The following RBMXL3 variants were observed in gnomAD, a reference collection of about 807,000 sequenced individuals.
RBMXL3 encodes RNA-binding motif protein, X-linked-like-3.
RBMXL3 carries 2 observed loss-of-function variants against 0.8 expected under a neutral mutation model. The ratio of observed to expected loss-of-function variants is 2.54; its 90% CI spans 1.04 to 8.00. The LOEUF is 8.00. Among genes scored for constraint, RBMXL3 ranks in the 30% most tolerant of loss-of-function variants. The pLI is 0.04. For synonymous variants in RBMXL3, 447 were observed against 449.8 expected, an observed-to-expected ratio of 0.99 and a Z score of 0.08; for missense variants, 1,127 against 1,068.0, an observed-to-expected ratio of 1.06 and a Z score of -0.77.
At position 115,189,961 on chromosome X, in the gene RBMXL3, G is replaced by A. The variant is rs781876240; in HGVS notation, c.520G>A (p.Val174Ile). 59 of 1,161,910 alleles carry A rather than the reference G, an allele frequency of 5.1e-5. No homozygotes were observed. The highest frequency in any genetic ancestry group is 4.8e-4 in the South Asian group (25 of 52,409). The change falls in exon 1 of 1, where the codon GTT becomes ATT. Residue 174 changes from valine (V) to isoleucine (I), a missense_variant. Transcript: ENST00000424776. ...CACGCCGTCGAGCCTGGCTCACAGC[G>A]TTGGCTGTGGAATGCGCGGGAAGGC... The part of the protein sequence containing the change: ...RATPSSLAHS[V>I]GCGMRGKAPT...
rs782770963 is a variant in RBMXL3 at position 115,190,608 on chromosome X, C to T, written c.1167C>T (p.Tyr389=). Residue 389 remains tyrosine (Y), a synonymous_variant, in exon 1 of 1, where the codon TAC becomes TAT. Transcript: ENST00000424776. ...RSDRYGEEGC[Y]EEYRGRSPDA... ...ACCGCTACGGAGAAGAAGGCTGCTA[C>T]GAGGAGTACAGAGGCCGCTCGCCCG... 581 of 1,158,868 alleles carry T rather than the reference C, an allele frequency of 5.0e-4. 1 individual carries two copies. Among genetic ancestry groups the T allele is most frequent in the South Asian group, 6.9e-4 (36 of 52,343 alleles).
rs2072770901 is a variant in RBMXL3, at chrX:115,189,894, G to A, written c.453G>A (p.Gly151=). The A allele has an allele frequency of 8.6e-7, 1 of 1,161,976 alleles. No homozygotes were observed. Among genetic ancestry groups the A allele is most frequent in the Non-Finnish European group, 1.1e-6 (1 of 870,399 alleles). The change falls in exon 1 of 1, where the codon GGG becomes GGA. Residue 151 remains glycine (G), a synonymous_variant. Transcript: ENST00000424776. ...GGGCCCCGATGCCCAGGAAGCGCGGGCCGCCACCGCGGCACTGGGCCAGCC... is the reference window on the plus strand; with the variant it reads ...GGGCCCCGATGCCCAGGAAGCGCGGACCGCCACCGCGGCACTGGGCCAGCC... ...PYRAPMPRKR[G]PPPRHWASPP... is the part of the protein sequence containing the mutation.
rs2072848717 is a variant in RBMXL3, at chrX:115,192,418, G to A, written c.2977G>A (p.Ala993Thr). The A allele has an allele frequency of 8.6e-7, 1 of 1,165,049 alleles. No individual in the cohort carries two copies. Among genetic ancestry groups the A allele is most frequent in the Non-Finnish European group, 1.1e-6 (1 of 871,298 alleles). ...YEEYQGSLPD[A>T]YSGDHDRSSN... ...GGAGTACCAGGGCAGCTTGCCTGAC[G>A]CCTACAGCGGCGACCACGACAGATC... is the stretch of plus-strand genomic sequence containing the variant. The change falls in exon 1 of 1, where the codon GCC becomes ACC. Residue 993 changes from alanine (A) to threonine (T), a missense_variant. By Grantham distance (58) the Ala-to-Thr change is moderately conservative. Coordinates refer to ENST00000424776, the MANE Select transcript of RBMXL3 (RefSeq NM_001145346.2).
At position 115,190,948 on chromosome X, in the gene RBMXL3, C is replaced by T. The variant is rs1418065321; in HGVS notation, c.1507C>T (p.Arg503Cys). ...GGHDNSSWSD[R>C]YGVGGHYEEN... is the part of the protein sequence containing the mutation. ...CCACGACAATTCCAGCTGGAGCGAC[C>T]GCTACGGAGTAGGAGGCCACTATGA... Residue 503 changes from arginine to cysteine, a missense_variant, in exon 1 of 1, where the codon CGC becomes TGC. Arg to Cys is a radical substitution (Grantham distance 180, BLOSUM62 -3). Transcript: ENST00000424776. 2.6e-5 allele frequency: 30 copies of T among 1,161,222 alleles called. No homozygotes were observed. The highest frequency in any genetic ancestry group is 7.9e-5 in the Admixed American group (3 of 37,932).
At position 115,192,265 on chromosome X, in the gene RBMXL3, C is replaced by T. The variant is rs966430682; in HGVS notation, c.2824C>T (p.Arg942Cys). The change falls in exon 1 of 1, where the codon CGC becomes TGC. Residue 942 changes from arginine to cysteine, a missense_variant. Transcript: ENST00000424776. ...CAACAACAGTCATGGCCGGAGCCACCGCTACGGAGGAGGAGGCCGCTACGA... is the reference window on the plus strand; with the variant it reads ...CAACAACAGTCATGGCCGGAGCCACTGCTACGGAGGAGGAGGCCGCTACGA... ...SSNNSHGRSH[R>C]YGGGGRYEEY... 1.7e-5 allele frequency: 20 copies of T among 1,164,700 alleles called. No homozygotes were observed. The highest frequency in any genetic ancestry group is 1.6e-4 in the Admixed American group (6 of 38,476).
rs781812129 is a variant in RBMXL3 at position 115,190,781 on chromosome X, G to A, written c.1340G>A (p.Arg447Gln). The A allele has an allele frequency of 2.1e-4, 244 of 1,163,516 alleles. No homozygotes were observed. Among genetic ancestry groups the A allele is most frequent in the Middle Eastern group, 2.3e-4 (1 of 4,290 alleles). ...GRSTDAHSRG[R>Q]SDDAYSGGHD... ...TCCACTGATGCCCACAGCAGGGGCC[G>A]GTCCGACGACGCCTACAGTGGGGGC... Residue 447 changes from arginine to glutamine, a missense_variant, in exon 1 of 1, where the codon CGG becomes CAG. Coordinates refer to ENST00000424776, the MANE Select transcript of RBMXL3 (RefSeq NM_001145346.2).
At position 115,189,687 on chromosome X, in the gene RBMXL3, C is replaced by G; in HGVS notation, c.246C>G (p.Ala82=). 1 of 1,168,206 alleles carries G rather than the reference C, an allele frequency of 8.6e-7. No homozygotes were observed. The highest frequency in any genetic ancestry group is 1.1e-6 in the Non-Finnish European group (1 of 873,209). Residue 82 remains alanine (A), a synonymous_variant, in exon 1 of 1, where the codon GCC becomes GCG. Transcript: ENST00000424776. The part of the protein sequence containing the change: ...KYLDGKAIMV[A]QTIKPAFKSS... ...TGGATGGTAAGGCCATCATGGTGGC[C>G]CAGACCATCAAACCGGCATTCAAGA... is the stretch of plus-strand genomic sequence containing the variant.
In RBMXL3 at chrX:115,189,687, C is replaced by A; in HGVS notation, c.246C>A (p.Ala82=). 1.7e-6 allele frequency: 2 copies of A among 1,168,205 alleles called. No individual in the cohort carries two copies. The highest frequency in any genetic ancestry group is 2.3e-6 in the Non-Finnish European group (2 of 873,208). Residue 82 remains alanine (A), a synonymous_variant, in exon 1 of 1, where the codon GCC becomes GCA. Coordinates refer to ENST00000424776, the MANE Select transcript of RBMXL3 (RefSeq NM_001145346.2). The stretch of plus-strand genomic sequence containing the variant: ...TGGATGGTAAGGCCATCATGGTGGC[C>A]CAGACCATCAAACCGGCATTCAAGA... ...KYLDGKAIMV[A]QTIKPAFKSS...
Position 115,190,307 on chromosome X carries a change from A to G in RBMXL3, c.866A>G (p.His289Arg). 1 of 1,151,630 alleles carries G rather than the reference A, an allele frequency of 8.7e-7. No homozygotes were observed. The highest frequency in any genetic ancestry group is 1.2e-6 in the Non-Finnish European group (1 of 863,604). 94.9% of individuals were successfully genotyped at this position (1,151,630 alleles called of 1,213,427 possible). A position where few individuals can be genotyped will look rare whatever the true frequency, so the allele number is the denominator to read the frequency against. Residue 289 changes from histidine (H) to arginine (R), a missense_variant, in exon 1 of 1, where the codon CAT becomes CGT. By Grantham distance (29) the His-to-Arg change is conservative (BLOSUM62 0). Coordinates refer to ENST00000424776, the MANE Select transcript of RBMXL3 (RefSeq NM_001145346.2). The stretch of plus-strand genomic sequence containing the variant: ...CAAAATGGCTACAGGGGTCGCGACC[A>G]TGAGTACACAGATCATCCCAGCAAA... ...GNQNGYRGRD[H>R]EYTDHPSKGS... is the part of the protein sequence containing the mutation.
chrX:115,190,337 CCTACCGAGAGCCCCTCAAGAG>C lies in RBMXL3; in HGVS notation c.901_921del (p.Arg301_Tyr307del). 2 of 1,159,187 alleles carry C rather than the reference CCTACCGAGAGCCCCTCAAGAG, an allele frequency of 1.7e-6. No homozygotes were observed. The highest frequency in any genetic ancestry group is 2.3e-6 in the Non-Finnish European group (2 of 868,651). On this transcript the variant is annotated inframe_deletion, in exon 1 of 1. Coordinates refer to ENST00000424776, the MANE Select transcript of RBMXL3 (RefSeq NM_001145346.2). Reference sequence around the variant, plus strand: ...TACACAGATCATCCCAGCAAAGGCTCCTACCGAGAGCCCCTCAAGAGCTACGGAGGCCCATGCGGCGCTGCC... The same window carrying C: ...TACACAGATCATCCCAGCAAAGGCTCCTACGGAGGCCCATGCGGCGCTGCC...
Position 115,190,333 on chromosome X carries a change from G to A in RBMXL3, c.892G>A (p.Gly298Ser). ...TGAGTACACAGATCATCCCAGCAAA[G>A]GCTCCTACCGAGAGCCCCTCAAGAG... ...DHEYTDHPSK[G>S]SYREPLKSYG... is the part of the protein sequence containing the mutation. The change falls in exon 1 of 1, where the codon GGC (glycine) becomes AGC (serine). Residue 298 changes from glycine to serine, a missense_variant. Physicochemically the swap from Gly to Ser is moderately conservative, Grantham distance 56. Transcript: ENST00000424776. 8.6e-7 allele frequency: 1 copy of A among 1,158,260 alleles called. No homozygotes were observed. The highest frequency in any genetic ancestry group is 1.2e-6 in the Non-Finnish European group (1 of 868,148).
rs868944256 is a variant in RBMXL3, at chrX:115,190,909, G to A, written c.1468G>A (p.Ala490Thr). The change falls in exon 1 of 1, where the codon GCC becomes ACC. Residue 490 changes from alanine (A) to threonine (T), a missense_variant. Physicochemically the swap from Ala to Thr is moderately conservative, Grantham distance 58. Transcript: ENST00000424776. ...DANSGGCSPEAYSGGHDNSSW... is the reference protein window; with the variant it reads ...DANSGGCSPETYSGGHDNSSW... ...CAACAGTGGAGGCTGCTCGCCCGAG[G>A]CCTACAGTGGGGGCCACGACAATTC... 8.6e-6 allele frequency: 10 copies of A among 1,163,639 alleles called. No homozygotes were observed. The highest frequency in any genetic ancestry group is 8.0e-6 in the Non-Finnish European group (7 of 872,024).
rs1179389059 is a variant in RBMXL3 at position 115,192,133 on chromosome X, A to G, written c.2692A>G (p.Ser898Gly). Residue 898 changes from serine to glycine, a missense_variant, in exon 1 of 1, where the codon AGC becomes GGC. Transcript: ENST00000424776. Reference protein sequence around the residue: ...EAYSRGRDSFSNSYGRSDHYG... With the variant: ...EAYSRGRDSFGNSYGRSDHYG... ...CTACAGCAGGGGCCGCGACAGTTTCAGCAACAGCTATGGCCGGAGTGACCA... is the reference window on the plus strand; with the variant it reads ...CTACAGCAGGGGCCGCGACAGTTTCGGCAACAGCTATGGCCGGAGTGACCA... The G allele has an allele frequency of 2.6e-6, 3 of 1,165,901 alleles. No homozygotes were observed. In the African/African-American group the frequency reaches 5.4e-5, roughly 21 times the overall value.
chrX:115,190,903 C>T lies in RBMXL3; in HGVS notation c.1462C>T (p.Pro488Ser). 2.6e-6 allele frequency: 3 copies of T among 1,161,557 alleles called. No homozygotes were observed. The highest frequency in any genetic ancestry group is 3.4e-6 in the Non-Finnish European group (3 of 871,124). Residue 488 changes from proline (P) to serine (S), a missense_variant, in exon 1 of 1, where the codon CCC becomes TCC. Pro to Ser is a moderately conservative substitution (Grantham distance 74). Coordinates refer to ENST00000424776, the MANE Select transcript of RBMXL3 (RefSeq NM_001145346.2). ...SLDANSGGCS[P>S]EAYSGGHDNS... ...GGATGCCAACAGTGGAGGCTGCTCG[C>T]CCGAGGCCTACAGTGGGGGCCACGA... is the stretch of plus-strand genomic sequence containing the variant.
chrX:115,190,387 G>A lies in RBMXL3; in HGVS notation c.946G>A (p.Val316Met). 8.6e-7 allele frequency: 1 copy of A among 1,163,532 alleles called. No individual in the cohort carries two copies. Among genetic ancestry groups the A allele is most frequent in the Non-Finnish European group, 1.1e-6 (1 of 870,831 alleles). The change falls in exon 1 of 1, where the codon GTG (valine) becomes ATG (methionine). Residue 316 changes from valine to methionine, a missense_variant. By Grantham distance (21) the Val-to-Met change is conservative. Coordinates refer to ENST00000424776, the MANE Select transcript of RBMXL3 (RefSeq NM_001145346.2). ...SYGGPCGAAP[V>M]WGTPPSYGGG... Reference sequence around the variant, plus strand: ...CGGAGGCCCATGCGGCGCTGCCCCTGTGTGGGGGACACCGCCATCTTATGG... The same window carrying A: ...CGGAGGCCCATGCGGCGCTGCCCCTATGTGGGGGACACCGCCATCTTATGG...
Position 115,190,237 on chromosome X carries a change from C to T in RBMXL3, c.796C>T (p.His266Tyr), listed in dbSNP as rs1556556967. Residue 266 changes from histidine to tyrosine, a missense_variant, in exon 1 of 1, where the codon CAC (histidine) becomes TAC (tyrosine). Coordinates refer to ENST00000424776, the MANE Select transcript of RBMXL3 (RefSeq NM_001145346.2). ...LRDYSRRYYGHSSVPDYRPLR... is the reference protein window; with the variant it reads ...LRDYSRRYYGYSSVPDYRPLR... The stretch of plus-strand genomic sequence containing the variant: ...AGACTACAGCCGCCGCTATTATGGC[C>T]ACTCCAGTGTCCCGGACTACCGTCC... The T allele has an allele frequency of 3.4e-6, 4 of 1,163,847 alleles. No individual in the cohort carries two copies. In the South Asian group the frequency reaches 7.6e-5, roughly 22 times the overall value.
chrX:115,192,665 C>A lies in RBMXL3; in HGVS notation c.*20C>A, dbSNP rs1556561665. The A allele has an allele frequency of 8.6e-7, 1 of 1,158,518 alleles. No individual in the cohort carries two copies. Among genetic ancestry groups the A allele is most frequent in the Non-Finnish European group, 1.2e-6 (1 of 865,684 alleles). On this transcript the variant is annotated 3_prime_UTR_variant, in exon 1 of 1. Coordinates refer to ENST00000424776, the MANE Select transcript of RBMXL3 (RefSeq NM_001145346.2). ...TACTAAGCAGGAACAGACTTGGGCC[C>A]AAAAATTCCTTTTCAAAGAAACAAA...
In RBMXL3 at chrX:115,189,458, G is replaced by A. The variant is rs184109240; in HGVS notation, c.17G>A (p.Arg6His). The change falls in exon 1 of 1, where the codon CGC (arginine) becomes CAC (histidine). Residue 6 changes from arginine to histidine, a missense_variant. By Grantham distance (29) the Arg-to-His change is conservative. Coordinates refer to ENST00000424776, the MANE Select transcript of RBMXL3 (RefSeq NM_001145346.2). MMEAD[R>H]PEKLFIGGLN... Reference sequence around the variant, plus strand: ...CAGGGAGACATGATGGAAGCGGATCGCCCAGAGAAGCTTTTCATTGGGGGC... The same window carrying A: ...CAGGGAGACATGATGGAAGCGGATCACCCAGAGAAGCTTTTCATTGGGGGC... The A allele has an allele frequency of 1.2e-3, 1,432 of 1,172,346 alleles. 12 individuals carry two copies. The African/African-American group carries it at 0.021, about 17-fold the overall frequency.
Position 115,191,915 on chromosome X carries a change from C to T in RBMXL3, c.2474C>T (p.Ser825Phe), listed in dbSNP as rs1253397603. 5 of 1,163,628 alleles carry T rather than the reference C, an allele frequency of 4.3e-6. No individual in the cohort carries two copies. In the African/African-American group the frequency reaches 9.1e-5, roughly 21 times the overall value. ...GGRYEENRGH[S>F]LDANSGGHSP... ...CGCTACGAGGAGAACCGAGGTCACT[C>T]TCTCGATGCCAACAGCGGAGGCCAC... The change falls in exon 1 of 1, where the codon TCT (serine) becomes TTT (phenylalanine). Residue 825 changes from serine (S) to phenylalanine (F), a missense_variant. Ser to Phe is a radical substitution (Grantham distance 155, BLOSUM62 -2). Coordinates refer to ENST00000424776, the MANE Select transcript of RBMXL3 (RefSeq NM_001145346.2).
Sources: gnomAD v4.1 joint callset for allele counts on GRCh38, gnomAD v4.1.1 for gene constraint, MANE v1.5 for transcripts, NCBI Gene and HGNC (gene_info 2026-07-23, HGNC 2026-07-21) for gene names.